PLEKHG1: variants seen among roughly 807,000 people sequenced by gnomAD.
PLEKHG1 encodes pleckstrin homology and RhoGEF domain containing G1.
Under a neutral mutation model 100.8 loss-of-function variants are expected in PLEKHG1, and 44 were observed. The observed-to-expected ratio is 0.44, with a 90% CI of 0.34 to 0.56. The LOEUF (loss-of-function observed/expected upper bound fraction) is 0.56. Among genes scored for constraint, PLEKHG1 ranks in the 20% least tolerant of loss-of-function variants. The pLI is 0.01. For missense variants in PLEKHG1, 1,545 were observed against 1,720.9 expected (o/e 0.90, Z 1.81); for synonymous variants, 640 against 662.5 (o/e 0.97, Z 0.52).
chr6:150,831,456 G>T lies in PLEKHG1; in HGVS notation c.2345G>T (p.Arg782Met), dbSNP rs868371258. 1 of 1,614,124 alleles carries T rather than the reference G, an allele frequency of 6.2e-7. No homozygotes were observed. Reference sequence around the variant, plus strand: ...GACTTCGTGTGCTGTGACAGCCTGAGGCCATTTGTTTCCCAAGACAGCCTC... The same window carrying T: ...GACTTCGTGTGCTGTGACAGCCTGATGCCATTTGTTTCCCAAGACAGCCTC... Residue 782 changes from arginine (R) to methionine (M), a missense_variant, in exon 15 of 16, where the codon AGG becomes ATG. Physicochemically the swap from Arg to Met is moderately conservative, Grantham distance 91. Coordinates refer to ENST00000358517, the Ensembl canonical transcript of PLEKHG1. The surrounding 1 kb of genome is among the most constrained non-coding windows in gnomAD (Gnocchi z 4.1).
intron 1 of PLEKHG1, among the ~76,000 whole-genome samples, chr6:150,637,284 C>T (rs915889295): frequency 1.3e-5 from 2 of 151,320 alleles, no homozygotes; most frequent in East Asian, 1.9e-4. Context: ...TGAAATTTTG[C>T]CACTTGAAGG....
At chr6:150,668,649 C>T (rs189460431) in intron 3 of PLEKHG1, among the ~76,000 whole-genome samples, 4 of 152,218 alleles carry the variant, frequency 2.6e-5, no homozygotes, top group East Asian at 3.9e-4. Context: ...CTAATCAGGC[C>T]GGACCTGAAA....
At chr6:150,790,749 T>C (rs1751030430) in intron 4 of PLEKHG1, among the ~76,000 whole-genome samples, 1 of 152,124 alleles carries the variant, frequency 6.6e-6, no homozygotes, top group Non-Finnish European at 1.5e-5. Context: ...CGGCCGGGCA[T>C]GGTGGCTCAT....
chr6:150,835,823 GCAGTGACTCACACCTGTATGGCCAGGCA>G (rs1305424937), intron 15 of PLEKHG1, among the ~76,000 whole-genome samples: 1 of 152,262 alleles, frequency 6.6e-6, no homozygotes, highest in South Asian at 2.1e-4. Context: ...ATCAGCAGGT[GCAGTGACTCACACCTGTATGGCCAGGCA>G]CAGTGACTCA....
intron 2 of PLEKHG1, among the ~76,000 whole-genome samples, chr6:150,751,092 G>A (rs1200369731): frequency 2.6e-5 from 4 of 152,170 alleles, no homozygotes; most frequent in Non-Finnish European, 4.4e-5. Context: ...ATAATTTCTA[G>A]TACGTTCTAA....
exon 9 of PLEKHG1, chr6:150,809,470 AGTCCAG>A: frequency 6.2e-7 from 1 of 1,613,388 alleles, no homozygotes; most frequent in Non-Finnish European, 8.5e-7. Context: ...TGCAGCACAC[AGTCCAG>A]GTAGCAGCCG....
At chr6:150,795,395 CAAA>C (rs34535873) in intron 4 of PLEKHG1, among the ~76,000 whole-genome samples, 1 of 143,444 alleles carries the variant, frequency 7.0e-6, no homozygotes, top group Non-Finnish European at 1.5e-5. Flanking sequence ...GATTCCATCT[CAAA>C]AAAAAAAAAA....
intron 3 of PLEKHG1, among the ~76,000 whole-genome samples, chr6:150,682,381 C>T (rs565882303): frequency 9.7e-4 from 147 of 152,186 alleles, no homozygotes; most frequent in African/African-American, 3.2e-3. Flanking sequence ...CCCACAGTGC[C>T]GCATCTGTCA....
At chr6:150,662,844 C>T (rs777765326) in intron 3 of PLEKHG1, 7 of 152,206 alleles carry the variant, frequency 4.6e-5, no homozygotes, top group African/African-American at 9.6e-5. Context: ...CCACTTCCTA[C>T]ACCTCGAGAC....
At chr6:150,726,441 A>G (rs1265747263) in intron 1 of PLEKHG1, among the ~76,000 whole-genome samples, 2 of 152,326 alleles carry the variant, frequency 1.3e-5, no homozygotes, top group Non-Finnish European at 2.9e-5. Context: ...CCAATAAAAT[A>G]CATTTTTTAA....
chr6:150,633,128 T>G (rs921054795), intron 1 of PLEKHG1: 2 of 152,258 alleles, frequency 1.3e-5, no homozygotes, highest in Admixed American at 6.5e-5. Context: ...TAAACATTTT[T>G]GAATAATGAC....
At chr6:150,672,531 T>G (rs1779616988) in intron 3 of PLEKHG1, among the ~76,000 whole-genome samples, 1 of 152,276 alleles carries the variant, frequency 6.6e-6, no homozygotes, top group African/African-American at 2.4e-5. Flanking sequence ...TTGCTCATTC[T>G]AAGTATTAGC....
At chr6:150,756,960 AGT>A (rs1783874050) in intron 2 of PLEKHG1, among the ~76,000 whole-genome samples, 2 of 152,158 alleles carry the variant, frequency 1.3e-5, no homozygotes, top group Non-Finnish European at 2.9e-5. Flanking sequence ...CACATGTTTA[AGT>A]AAAGTATATG....
chr6:150,613,188 T>C (rs1489942232), intron 1 of PLEKHG1, among the ~76,000 whole-genome samples: 1 of 152,218 alleles, frequency 6.6e-6, no homozygotes. Context: ...GGAATGTTCT[T>C]TCCCAGATAT....
intron 3 of PLEKHG1, among the ~76,000 whole-genome samples, chr6:150,779,353 T>TTTTTTTTTGTTTG (rs1785178803): frequency 1.4e-5 from 2 of 146,892 alleles, no homozygotes; most frequent in African/African-American, 5.2e-5. Flanking sequence ...AGTTTTTTTT[T>TTTTTTTTTGTTTG]TTTTTTTTTT....
At position 150,631,498 on chromosome 6, in the gene PLEKHG1, G is replaced by A. The variant is rs1052730419; in HGVS notation, c.-203-6582G>A. On this transcript the variant is annotated intron_variant, in intron 1 of 3. Coordinates refer to the PLEKHG1 transcript ENST00000367326. ...ACAGCCACACCTTACACCTAGTGGA[G>A]TCGGACAGAGTCTTGTGGCTTGGAC... Among the ~76,000 whole-genome samples the A allele has an allele frequency of 4.6e-4, 70 of 152,240 alleles. 1 individual carries two copies. The highest frequency in any genetic ancestry group is 1.6e-3 in the African/African-American group (67 of 41,470).
chr6:150,841,555 C>G (rs1013477413), exon 16 of PLEKHG1: 1 of 152,632 alleles, frequency 6.6e-6, no homozygotes, highest in African/African-American at 2.4e-5. Context: ...TGGACAAGGC[C>G]TAGAGAACGA....
chr6:150,668,073 T>C (rs978824979), intron 3 of PLEKHG1, among the ~76,000 whole-genome samples: 1 of 152,234 alleles, frequency 6.6e-6, no homozygotes, highest in Non-Finnish European at 1.5e-5. Context: ...GAAAGTCTCA[T>C]TGCTGTTTTT....
chr6:150,653,746 G>A (rs1406459979), intron 3 of PLEKHG1, among the ~76,000 whole-genome samples: 4 of 149,990 alleles, frequency 2.7e-5, no homozygotes, highest in South Asian at 2.1e-4. Flanking sequence ...AGACCCTATC[G>A]CAAAAAAAAA....
Sources: gnomAD v4.1 joint callset for allele counts (sites outside exome capture counted in the v4.1 genomes callset) on GRCh38, gnomAD v4.1.1 for gene constraint, Gnocchi (gnomAD v3.1) non-coding constraint, MANE v1.5 for transcripts, NCBI Gene and HGNC (gene_info 2026-07-23, HGNC 2026-07-21) for gene names.